MAJIN: variants seen among roughly 807,000 people sequenced by gnomAD.
The protein encoded by MAJIN is membrane anchored junction protein, also known as membrane-anchored junction protein.
In MAJIN, 27 loss-of-function variants were observed where a neutral mutation model predicts 30.2. The observed-to-expected ratio is 0.89, with a 90% CI of 0.66 to 1.23. The LOEUF (loss-of-function observed/expected upper bound fraction) is 1.23. Among genes scored for constraint, MAJIN ranks in the 50% most tolerant of loss-of-function variants. The pLI is 0.00. For missense variants in MAJIN, 253 were observed against 260.3 expected (o/e 0.97, Z 0.19); for synonymous variants, 78 against 91.6 (o/e 0.85, Z 0.85).
chr11:64,968,255 T>C (rs1945842553), intron 1 of MAJIN, among the ~76,000 whole-genome samples: 1 of 152,142 alleles, frequency 6.6e-6, no homozygotes, highest in East Asian at 1.9e-4. Flanking sequence ...ATATGCTTTA[T>C]AAATATCTAA....
chr11:64,938,454 T>C lies in MAJIN; in HGVS notation c.*121A>G, dbSNP rs1945319898. The C allele has an allele frequency of 6.9e-7, 1 of 1,457,638 alleles. No homozygotes were observed. Among genetic ancestry groups the C allele is most frequent in the Non-Finnish European group, 9.3e-7 (1 of 1,076,388 alleles). The allele number at this position is 1,457,638 out of a possible 1,614,324, so 90.3% of individuals were successfully genotyped here. On this transcript the variant is annotated 3_prime_UTR_variant, in exon 11 of 11. Transcript: ENST00000301896. ...GAAGTGTCATAAGAAAAGGATAGAGTTGGAGGAAGAATGGCTCGGGAGGAG... is the reference window on the plus strand; with the variant it reads ...GAAGTGTCATAAGAAAAGGATAGAGCTGGAGGAAGAATGGCTCGGGAGGAG...
At position 64,954,804 on chromosome 11, in the gene MAJIN, T is replaced by C; in HGVS notation, c.102-2A>G. 3.7e-6 allele frequency: 6 copies of C among 1,608,850 alleles called. No individual in the cohort carries two copies. Among genetic ancestry groups the C allele is most frequent in the Non-Finnish European group, 3.4e-6 (4 of 1,177,940 alleles). Reference sequence around the variant, plus strand: ...TCCTTATTTTCTATCTCTTCTCCTCTAGAAGGTAAACAGACAAGAGACAAG... The same window carrying C: ...TCCTTATTTTCTATCTCTTCTCCTCCAGAAGGTAAACAGACAAGAGACAAG... On this transcript the variant is annotated splice_acceptor_variant, in intron 3 of 10. Transcript: ENST00000301896. LOFTEE classifies it high-confidence loss of function.
At position 64,949,926 on chromosome 11, in the gene MAJIN, T is replaced by A. The variant is rs1194914049; in HGVS notation, c.224-58A>T. The A allele has an allele frequency of 2.5e-6, 4 of 1,573,888 alleles. No individual in the cohort carries two copies. In the African/African-American group the frequency reaches 4.0e-5, roughly 16 times the overall value. On this transcript the variant is annotated intron_variant, in intron 5 of 10. Transcript: ENST00000301896. ...GCCAGTATGCATTCCTAAGTACTAT[T>A]TTAGGGATGAGACTCTCTCTCCTTC... is the stretch of plus-strand genomic sequence containing the variant.
intron 1 of MAJIN, among the ~76,000 whole-genome samples, chr11:64,964,071 G>A (rs372502296): frequency 3.7e-4 from 57 of 152,106 alleles, no homozygotes; most frequent in African/African-American, 1.2e-3. Context: ...AGCCTCCCAC[G>A]TAGCTGGGAT....
chr11:64,969,582 G>A (rs994846510), intron 1 of MAJIN, among the ~76,000 whole-genome samples: 11 of 152,094 alleles, frequency 7.2e-5, no homozygotes, highest in African/African-American at 9.7e-5. Flanking sequence ...AGCCTCCTGC[G>A]GCTCAAGGCA....
intron 8 of MAJIN, among the ~76,000 whole-genome samples, chr11:64,944,942 TCTAAA>T (rs1945428540): frequency 6.6e-6 from 1 of 152,164 alleles, no homozygotes; most frequent in African/African-American, 2.4e-5. Flanking sequence ...TATATGAATA[TCTAAA>T]TGGGAAACAT....
At chr11:64,965,531 G>A (rs1487330482) in intron 1 of MAJIN, among the ~76,000 whole-genome samples, 1 of 152,096 alleles carries the variant, frequency 6.6e-6, no homozygotes, top group East Asian at 1.9e-4. Context: ...CATCCTAAGA[G>A]CTAATGAAAA....
intron 10 of MAJIN, 50 bp downstream of exon 10, chr11:64,939,612 G>A (rs762091834): frequency 2.7e-6 from 4 of 1,508,208 alleles, no homozygotes; most frequent in Non-Finnish European, 3.7e-6. Context: ...GACTCAATGA[G>A]CCGCTCTGAG....
chr11:64,965,829 G>T (rs928125692), intron 1 of MAJIN, among the ~76,000 whole-genome samples: 2 of 151,870 alleles, frequency 1.3e-5, no homozygotes, highest in African/African-American at 4.8e-5. Context: ...GGTGGCAGGC[G>T]CCTGTAGTCC....
chr11:64,947,610 T>G, intron 7 of MAJIN, 145 bp from the exon 8 acceptor site: 1 of 1,045,034 alleles, frequency 9.6e-7, no homozygotes, highest in Non-Finnish European at 1.4e-6. Context: ...GACATTCTGT[T>G]AGAGACATGG....
chr11:64,941,524 G>A (rs1309628724), intron 8 of MAJIN, among the ~76,000 whole-genome samples: 1 of 152,174 alleles, frequency 6.6e-6, no homozygotes, highest in African/African-American at 2.4e-5. Context: ...GGGCGTGGTG[G>A]CAGGCACCTG....
chr11:64,947,388 C>T lies in MAJIN; in HGVS notation c.459G>A (p.Arg153=), dbSNP rs1167828212. The T allele has an allele frequency of 6.2e-7, 1 of 1,613,472 alleles. No homozygotes were observed. The highest frequency in any genetic ancestry group is 8.5e-7 in the Non-Finnish European group (1 of 1,179,982). ...KHMDEPSSPS[R]PGLDRIGKEK... is the part of the protein sequence containing the mutation. ...ACACCACTGACCTGTCCAGCCCTGG[C>T]CTGCTGGGGGAGCTGGGCTCGTCCA... Residue 153 remains arginine (R), a synonymous_variant, in exon 8 of 11, where the codon AGG becomes AGA. Transcript: ENST00000301896.
intron 1 of MAJIN, among the ~76,000 whole-genome samples, chr11:64,965,955 C>CAAA (rs1299713572): frequency 1.2e-5 from 1 of 83,408 alleles, no homozygotes; most frequent in African/African-American, 4.2e-5. Context: ...GACTCTGTCT[C>CAAA]AAAAAAAAAA....
intron 1 of MAJIN, among the ~76,000 whole-genome samples, chr11:64,971,589 G>T (rs963692124): frequency 1.2e-4 from 18 of 152,106 alleles, no homozygotes; most frequent in Non-Finnish European, 5.9e-5. Context: ...CTCGCCCGAA[G>T]GAGGGGACAG....
chr11:64,939,886 G>C, intron 9 of MAJIN, 119 bp from the exon 10 acceptor site: 1 of 796,934 alleles, frequency 1.3e-6, no homozygotes, highest in Non-Finnish European at 1.9e-6. Flanking sequence ...GTTCTTTAAA[G>C]CCAGATGAAT....
intron 1 of MAJIN, among the ~76,000 whole-genome samples, chr11:64,966,859 G>A (rs1405818055): frequency 3.3e-5 from 5 of 150,668 alleles, no homozygotes; most frequent in African/African-American, 7.3e-5. Context: ...ACTTGAACCC[G>A]GGAGATGGAG....
intron 10 of MAJIN, 52 bp from the exon 11 acceptor site, chr11:64,938,625 T>A: frequency 6.6e-7 from 1 of 1,513,640 alleles, no homozygotes; most frequent in Non-Finnish European, 8.9e-7. Flanking sequence ...CTCCTTCCCT[T>A]CTCCCCATTT....
intron 3 of MAJIN, among the ~76,000 whole-genome samples, chr11:64,956,783 T>G (rs1426204360): frequency 1.3e-5 from 2 of 149,000 alleles, no homozygotes; most frequent in African/African-American, 2.5e-5. Flanking sequence ...TTTTTTTTTT[T>G]GAGATGTTGT....
In MAJIN at chr11:64,959,460, G is replaced by T. The variant is rs1590703755; in HGVS notation, c.-17-38C>A. ...GAAAGAGAATTACTAAAAAGCTAAC[G>T]ATTGTTCCTTATTTACAGGAAAGGG... is the stretch of plus-strand genomic sequence containing the variant. On this transcript the variant is annotated intron_variant, in intron 2 of 10. Coordinates refer to ENST00000301896, the MANE Select transcript of MAJIN (RefSeq NM_001037225.3). The T allele has an allele frequency of 5.3e-6, 8 of 1,522,228 alleles. No homozygotes were observed. The Admixed American group carries it at 1.0e-4, about 20-fold the overall frequency. 94.3% of individuals were successfully genotyped at this position (1,522,228 alleles called of 1,614,324 possible).
Sources: allele counts gnomAD v4.1 joint callset (sites outside exome capture counted in the v4.1 genomes callset), GRCh38; gene constraint gnomAD v4.1.1; transcripts MANE v1.5; gene names NCBI Gene and HGNC (gene_info 2026-07-23, HGNC 2026-07-21).